The following ZNF821 variants were observed in gnomAD, a reference collection of about 807,000 sequenced individuals.
The protein encoded by ZNF821 is zinc finger protein 821.
A neutral mutation model predicts 44.3 loss-of-function variants in ZNF821; 16 were observed. The ratio of observed to expected loss-of-function variants is 0.36; its 90% CI spans 0.24 to 0.55. The LOEUF (loss-of-function observed/expected upper bound fraction) is 0.55. ZNF821 is among the 20% of genes least tolerant of loss of function. ZNF821 has a pLI of 0.86. For synonymous variants in ZNF821, 204 were observed against 197.6 expected, an observed-to-expected ratio of 1.03 and a Z score of -0.27; for missense variants, 436 against 547.6, an observed-to-expected ratio of 0.80 and a Z score of 2.03.
chr16:71,866,606 C>T (rs1476573928), intron 4 of ZNF821, among the ~76,000 whole-genome samples: 2 of 152,110 alleles, frequency 1.3e-5, no homozygotes, highest in African/African-American at 2.4e-5. Context: ...ATATATCTCG[C>T]TACTAGAAAA....
exon 1 of ZNF821, chr16:71,894,972 G>T: frequency 1.3e-6 from 1 of 761,286 alleles, no homozygotes; most frequent in Non-Finnish European, 2.1e-6. Context: ...AGCGATGCTG[G>T]TCCAAAGGGC....
chr16:71,879,337 AT>A (rs549401073), intron 3 of ZNF821, among the ~76,000 whole-genome samples: 40 of 148,634 alleles, frequency 2.7e-4, no homozygotes, highest in African/African-American at 5.4e-4. Context: ...TTGTTTTTTA[AT>A]TTTTTTTTTC....
intron 1 of ZNF821, among the ~76,000 whole-genome samples, chr16:71,891,663 C>G (rs1465476969): frequency 6.6e-6 from 1 of 152,186 alleles, no homozygotes; most frequent in East Asian, 1.9e-4. Flanking sequence ...CACTTGAGGT[C>G]AGGAGTTCGA....
At chr16:71,881,986 A>C (rs980671110) in intron 2 of ZNF821, 2 of 151,668 alleles carry the variant, frequency 1.3e-5, no homozygotes, top group African/African-American at 2.4e-5. Context: ...AAGATAAAAA[A>C]CTGCCATGGG....
intron 4 of ZNF821, among the ~76,000 whole-genome samples, chr16:71,865,532 T>TA (rs1204365084): frequency 6.6e-6 from 1 of 152,208 alleles, no homozygotes; most frequent in Non-Finnish European, 1.5e-5. Flanking sequence ...AAGGCACACT[T>TA]ACAGAAACAT....
chr16:71,877,072 C>T (rs573691167), intron 3 of ZNF821, among the ~76,000 whole-genome samples: 4 of 152,204 alleles, frequency 2.6e-5, no homozygotes, highest in South Asian at 2.1e-4. Context: ...CAACTCGTTC[C>T]GTTTTACACT....
At chr16:71,872,933 T>C (rs993201085) in intron 3 of ZNF821, among the ~76,000 whole-genome samples, 1 of 152,258 alleles carries the variant, frequency 6.6e-6, no homozygotes, top group African/African-American at 2.4e-5. Flanking sequence ...GTAAAAGAGG[T>C]TTTCATTTGC....
At chr16:71,863,980 G>A (rs948111555) in intron 6 of ZNF821, among the ~76,000 whole-genome samples, 158 bp downstream of exon 6, 18 of 152,214 alleles carry the variant, frequency 1.2e-4, no homozygotes, top group African/African-American at 4.1e-4. Context: ...TTACAGGCGT[G>A]AGCCACTGCG....
intron 4 of ZNF821, 52 bp downstream of exon 4, chr16:71,867,860 G>GAT (rs2142382453): frequency 6.5e-7 from 1 of 1,527,962 alleles, no homozygotes; most frequent in East Asian, 2.5e-5. Flanking sequence ...CACACACTCT[G>GAT]ATAATTCTTC....
At chr16:71,890,586 A>C (rs966346572) in intron 1 of ZNF821, 1 of 151,436 alleles carries the variant, frequency 6.6e-6, no homozygotes, top group African/African-American at 2.4e-5. Flanking sequence ...AGATTTTCGC[A>C]ATGTTGACCA....
intron 4 of ZNF821, among the ~76,000 whole-genome samples, chr16:71,865,398 A>G (rs1193587467): frequency 6.6e-6 from 1 of 152,110 alleles, no homozygotes; most frequent in East Asian, 1.9e-4. Context: ...CCCACTGTAC[A>G]CCACCTCTGA....
At chr16:71,867,537 T>C (rs1034446057) in intron 4 of ZNF821, among the ~76,000 whole-genome samples, 3 of 151,880 alleles carry the variant, frequency 2.0e-5, no homozygotes, top group Non-Finnish European at 4.4e-5. Flanking sequence ...AAATACAAAA[T>C]TAGCTGGGCA....
exon 1 of ZNF821, chr16:71,895,116 G>C: frequency 3.0e-6 from 1 of 336,712 alleles, no homozygotes; most frequent in Non-Finnish European, 5.6e-6. Context: ...AAAGTCCAGC[G>C]AAAGGCGGCA....
Position 71,864,908 on chromosome 16 carries a change from G to A in ZNF821, c.307C>T (p.His103Tyr). ...QPVGGNEVVE[H>Y]EVTGNLNSDP... ...CAGGGGCCATCGTCACTTGCCTCGTGCTCTACCACTTCGTTCCCACCAACA... is the reference window on the plus strand; with the variant it reads ...CAGGGGCCATCGTCACTTGCCTCGTACTCTACCACTTCGTTCCCACCAACA... The change falls in exon 5 of 8, where the codon CAC (histidine) becomes TAC (tyrosine). Residue 103 changes from histidine to tyrosine, a missense_variant. By Grantham distance (83) the His-to-Tyr change is moderately conservative. Transcript: ENST00000425432. 6.2e-7 allele frequency: 1 copy of A among 1,614,120 alleles called. No individual in the cohort carries two copies. The highest frequency in any genetic ancestry group is 8.5e-7 in the Non-Finnish European group (1 of 1,180,012).
chr16:71,879,333 T>C (rs2142462306), intron 3 of ZNF821, among the ~76,000 whole-genome samples: 1 of 152,300 alleles, frequency 6.6e-6, no homozygotes, highest in Non-Finnish European at 1.5e-5. Context: ...CCTCTTGTTT[T>C]TTAATTTTTT....
chr16:71,875,819 A>T (rs910072117), intron 3 of ZNF821, among the ~76,000 whole-genome samples: 6 of 152,006 alleles, frequency 3.9e-5, no homozygotes, highest in African/African-American at 1.2e-4. Flanking sequence ...GGGTGGTCTC[A>T]AACTCCTGAC....
intron 4 of ZNF821, 106 bp from the exon 5 acceptor site, chr16:71,865,154 T>G: frequency 7.2e-7 from 1 of 1,394,880 alleles, no homozygotes; most frequent in Non-Finnish European, 9.9e-7. Flanking sequence ...TTTCAGATCT[T>G]CCATAATATA....
intron 3 of ZNF821, among the ~76,000 whole-genome samples, chr16:71,876,942 G>A (rs540043486): frequency 2.0e-5 from 3 of 152,094 alleles, no homozygotes; most frequent in Admixed American, 6.6e-5. Context: ...CAATCCTCAC[G>A]TGCAAGCCCA....
intron 3 of ZNF821, among the ~76,000 whole-genome samples, chr16:71,875,384 T>C (rs2035685714): frequency 6.6e-6 from 1 of 152,024 alleles, no homozygotes. Context: ...CAGGCTCAAG[T>C]GATTCTCCCG....
Sources: allele counts gnomAD v4.1 joint callset (sites outside exome capture counted in the v4.1 genomes callset), GRCh38; gene constraint gnomAD v4.1.1; transcripts MANE v1.5; gene names NCBI Gene and HGNC (gene_info 2026-07-23, HGNC 2026-07-21).